RBM26: variants seen among roughly 807,000 people sequenced by gnomAD.
RBM26 encodes the protein RNA binding motif protein 26.
Under a neutral mutation model 123.6 loss-of-function variants are expected in RBM26, and 30 were observed. The ratio of observed to expected loss-of-function variants is 0.24; its 90% CI spans 0.18 to 0.33. The LOEUF is 0.33. Among genes scored for constraint, RBM26 ranks in the 10% least tolerant of loss-of-function variants. The probability of loss-of-function intolerance (pLI) is 1.00; values close to 1 mark genes in which losing one functional copy is unlikely to be tolerated. For missense variants in RBM26, 947 were observed against 1,203.6 expected (o/e 0.79, Z 3.15); for synonymous variants, 400 against 404.4 (o/e 0.99, Z 0.13).
intron 11 of RBM26, among the ~76,000 whole-genome samples, chr13:79,356,139 G>A (rs888520963): frequency 6.6e-6 from 1 of 152,128 alleles, no homozygotes; most frequent in Non-Finnish European, 1.5e-5. Flanking sequence ...AAGGCAGGAG[G>A]ACTGCTTGAG....
intron 20 of RBM26, among the ~76,000 whole-genome samples, chr13:79,327,175 A>G (rs1314925486): frequency 6.6e-6 from 1 of 151,888 alleles, no homozygotes; most frequent in African/African-American, 2.4e-5. Flanking sequence ...GTGTGCCTAT[A>G]GTCCCAGCTA....
chr13:79,363,131 A>T (rs1460928994), intron 9 of RBM26, among the ~76,000 whole-genome samples: 2 of 152,122 alleles, frequency 1.3e-5, no homozygotes, highest in African/African-American at 4.8e-5. Context: ...TAACTTTTAC[A>T]TTAGTAATTT....
At chr13:79,361,738 A>G (rs1343230224) in intron 9 of RBM26, among the ~76,000 whole-genome samples, 3 of 152,090 alleles carry the variant, frequency 2.0e-5, no homozygotes. Flanking sequence ...AGTTTTCTAT[A>G]AAGTTCTCCT....
At chr13:79,332,499 T>A (rs1432908607) in intron 20 of RBM26, among the ~76,000 whole-genome samples, 1 of 152,180 alleles carries the variant, frequency 6.6e-6, no homozygotes, top group Non-Finnish European at 1.5e-5. Context: ...CATTACAAAA[T>A]TTTAAGAAAC....
At chr13:79,366,019 G>C in intron 8 of RBM26, 36 bp downstream of exon 8, 2 of 1,475,786 alleles carry the variant, frequency 1.4e-6, no homozygotes, top group Non-Finnish European at 1.9e-6. Context: ...CTAAAACTGT[G>C]TTACATTACG....
At chr13:79,358,242 A>G (rs758505873) in intron 11 of RBM26, 32 bp downstream of exon 11, 1 of 1,533,500 alleles carries the variant, frequency 6.5e-7, no homozygotes, top group Non-Finnish European at 8.8e-7. Context: ...AAACAGAAAG[A>G]AGAGATAACA....
rs1470378803 is a variant in RBM26, at chr13:79,369,407, A to G, written c.635-417T>C. Among the ~76,000 whole-genome samples the G allele has an allele frequency of 3.3e-5, 5 of 152,156 alleles. 1 individual carries two copies. On this transcript the variant is annotated intron_variant, in intron 5 of 21. Transcript: ENST00000438737. Reference sequence around the variant, plus strand: ...GGCTGTTATATTAAGATAAGAACGGATGACCCAGAAAGAGTTCATATTAAA... The same window carrying G: ...GGCTGTTATATTAAGATAAGAACGGGTGACCCAGAAAGAGTTCATATTAAA...
chr13:79,355,129 G>T, intron 12 of RBM26, 91 bp downstream of exon 12: 2 of 1,189,972 alleles, frequency 1.7e-6, no homozygotes, highest in Non-Finnish European at 2.4e-6. Context: ...TATGAACTCA[G>T]GCCTACTTGA....
chr13:79,385,627 AAG>A (rs2077414427), intron 1 of RBM26, among the ~76,000 whole-genome samples: 1 of 152,182 alleles, frequency 6.6e-6, no homozygotes, highest in Non-Finnish European at 1.5e-5. Flanking sequence ...TTTTATTTAA[AAG>A]AGTTATATCA....
intron 14 of RBM26, among the ~76,000 whole-genome samples, chr13:79,348,607 T>C (rs969121316): frequency 2.6e-5 from 4 of 152,068 alleles, no homozygotes; most frequent in African/African-American, 4.8e-5. Context: ...AAAGCAGAAA[T>C]ACATTGGTTT....
rs2076324991 is a variant in RBM26 at position 79,373,555 on chromosome 13, AC to A, written c.328-1626del. ...TATTTATATAATATATTTATATATTACTATATATATTTATATAATATATTTA... is the reference window on the plus strand; with the variant it reads ...TATTTATATAATATATTTATATATTATATATATATTTATATAATATATTTA... On this transcript the variant is annotated intron_variant, in intron 3 of 21. Coordinates refer to ENST00000438737, the MANE Select transcript of RBM26 (RefSeq NM_001366735.2). 6.5e-5 allele frequency among the ~76,000 whole-genome samples: 7 copies of A among 107,094 alleles called. No homozygotes were observed. The South Asian group carries it at 9.8e-4, about 15-fold the overall frequency. The allele number at this position is 107,094 out of a possible 152,430, so 70.3% of individuals were successfully genotyped here.
chr13:79,400,308 A>C (rs919658961), intron 1 of RBM26, among the ~76,000 whole-genome samples: 1 of 152,186 alleles, frequency 6.6e-6, no homozygotes, highest in African/African-American at 2.4e-5. Context: ...GGGAAGTCTC[A>C]TATCAAGGTA....
intron 1 of RBM26, among the ~76,000 whole-genome samples, chr13:79,380,293 C>T (rs1387099799): frequency 2.0e-5 from 3 of 151,908 alleles, no homozygotes; most frequent in Non-Finnish European, 4.4e-5. Flanking sequence ...AGTTTTCAAC[C>T]CCTAAAGAAA....
chr13:79,369,914 G>T (rs1435559876), intron 5 of RBM26, among the ~76,000 whole-genome samples: 1 of 151,994 alleles, frequency 6.6e-6, no homozygotes, highest in African/African-American at 2.4e-5. Context: ...ACTTCCAAAA[G>T]AATCCTCATG....
chr13:79,335,887 G>C (rs1257029399), intron 19 of RBM26, among the ~76,000 whole-genome samples: 1 of 151,944 alleles, frequency 6.6e-6, no homozygotes, highest in African/African-American at 2.4e-5. Flanking sequence ...GTGGAAGTGG[G>C]GTACACAGCA....
rs752295631 is a variant in RBM26, at chr13:79,377,403, TTGG to T, written c.300_302del (p.His100del). ...CCTCTTCCTTCTTTATATCTTTTTCTTGGTGTGGAAAAAATTCTACCTTCAGGC... is the reference window on the plus strand; with the variant it reads ...CCTCTTCCTTCTTTATATCTTTTTCTTGTGGAAAAAATTCTACCTTCAGGC... On this transcript the variant is annotated inframe_deletion, in exon 3 of 22. Transcript: ENST00000438737. 6.2e-7 allele frequency: 1 copy of T among 1,613,882 alleles called. No individual in the cohort carries two copies. The highest frequency in any genetic ancestry group is 1.7e-5 in the Admixed American group (1 of 60,026).
At chr13:79,365,883 A>T (rs2075213957) in intron 8 of RBM26, 165 bp from the exon 9 acceptor site, 2 of 961,808 alleles carry the variant, frequency 2.1e-6, no homozygotes, top group African/African-American at 3.3e-5. Flanking sequence ...TTAAAAAGAA[A>T]ATGTTTTTTT....
At chr13:79,324,354 ATATAT>A (rs1380362052) in intron 20 of RBM26, among the ~76,000 whole-genome samples, 1 of 151,884 alleles carries the variant, frequency 6.6e-6, no homozygotes, top group Non-Finnish European at 1.5e-5. Context: ...GAATGGCCAT[ATATAT>A]TATATATTTA....
chr13:79,363,587 T>C (rs2074950462), intron 9 of RBM26, among the ~76,000 whole-genome samples: 2 of 152,204 alleles, frequency 1.3e-5, no homozygotes, highest in Admixed American at 6.5e-5. Context: ...CTATGTACAA[T>C]AATGATTCTA....
Sources: gnomAD v4.1 joint callset for allele counts (sites outside exome capture counted in the v4.1 genomes callset) on GRCh38, gnomAD v4.1.1 for gene constraint, MANE v1.5 for transcripts, NCBI Gene and HGNC (gene_info 2026-07-23, HGNC 2026-07-21) for gene names.